WDR72: variants seen among roughly 807,000 people sequenced by gnomAD.
WDR72 encodes the protein WD repeat domain 72.
A neutral mutation model predicts 124.2 loss-of-function variants in WDR72; 120 were observed. That is an observed-to-expected ratio of 0.97 (90% CI 0.83 to 1.12). The LOEUF (loss-of-function observed/expected upper bound fraction) is 1.12, where lower values mean the gene tolerates loss of function less well. Among genes scored for constraint, WDR72 ranks in the 50% most tolerant of loss-of-function variants. The pLI, the probability that WDR72 is intolerant of heterozygous loss-of-function variation, is 0.00. For missense variants in WDR72, 1,387 were observed against 1,278.8 expected, an observed-to-expected ratio of 1.08 and a Z score of -1.29; for synonymous variants, 452 against 441.7, an observed-to-expected ratio of 1.02 and a Z score of -0.29.
In WDR72 at chr15:53,663,542, G is replaced by C. The variant is rs527560216; in HGVS notation, c.1962+2030C>G. ...AGAGTAGCTATGAAGCTCTTCAAGA[G>C]AGTGAAATAAATATCAGTCAGTTTA... On this transcript the variant is annotated intron_variant, in intron 14 of 19. Coordinates refer to ENST00000360509, the MANE Select transcript of WDR72 (RefSeq NM_182758.4). 3.9e-5 allele frequency among the ~76,000 whole-genome samples: 6 copies of C among 152,232 alleles called. No homozygotes were observed. The East Asian group carries it at 9.7e-4, about 24-fold the overall frequency.
intron 18 of WDR72, among the ~76,000 whole-genome samples, chr15:53,524,526 A>G (rs1043431995): frequency 3.9e-5 from 6 of 152,034 alleles, no homozygotes; most frequent in Admixed American, 3.9e-4. Flanking sequence ...AGTAGTGTTC[A>G]GACCTGGCAC....
intron 12 of WDR72, 107 bp downstream of exon 12, chr15:53,702,027 G>T: frequency 1.3e-6 from 1 of 784,918 alleles, no homozygotes; most frequent in Non-Finnish European, 2.0e-6. Flanking sequence ...TAGAACTCAT[G>T]TTTTTCTTTT....
chr15:53,534,970 C>A (rs1376545614), intron 18 of WDR72, among the ~76,000 whole-genome samples: 1 of 151,816 alleles, frequency 6.6e-6, no homozygotes, highest in African/African-American at 2.4e-5. Flanking sequence ...CATTTTTATT[C>A]TATGTTCAGC....
intron 1 of WDR72, among the ~76,000 whole-genome samples, chr15:53,738,063 TAA>T (rs1274492764): frequency 6.6e-6 from 1 of 151,876 alleles, no homozygotes; most frequent in Non-Finnish European, 1.5e-5. Flanking sequence ...GTTTGGAAAC[TAA>T]AAAAAATTCT....
intron 1 of WDR72, among the ~76,000 whole-genome samples, chr15:53,736,170 A>T (rs1269961804): frequency 6.6e-6 from 1 of 152,194 alleles, no homozygotes; most frequent in Non-Finnish European, 1.5e-5. Context: ...AGCTCCAAAA[A>T]TGATAGAACC....
intron 2 of WDR72, among the ~76,000 whole-genome samples, chr15:53,726,252 A>G (rs1595876515): frequency 1.1e-5 from 1 of 91,534 alleles, no homozygotes; most frequent in Non-Finnish European, 2.2e-5. Context: ...GTGTATATAT[A>G]TATGTATGTG....
intron 14 of WDR72, among the ~76,000 whole-genome samples, chr15:53,635,089 C>T (rs903469323): frequency 6.6e-6 from 1 of 152,172 alleles, no homozygotes; most frequent in African/African-American, 2.4e-5. Flanking sequence ...CAGAGGGTGA[C>T]GATCTTTCAG....
At chr15:53,593,667 T>G (rs980399736) in intron 18 of WDR72, among the ~76,000 whole-genome samples, 1 of 150,742 alleles carries the variant, frequency 6.6e-6, no homozygotes, top group Non-Finnish European at 1.5e-5. Flanking sequence ...GAGGCAGAGG[T>G]GGGAAGATCA....
chr15:53,551,137 T>C (rs754876142), intron 18 of WDR72, among the ~76,000 whole-genome samples: 31 of 151,988 alleles, frequency 2.0e-4, no homozygotes, highest in Middle Eastern at 3.4e-3. Context: ...TTGAAAAGAT[T>C]TGTGAAGGTT....
In WDR72 at chr15:53,660,794, T is replaced by C. The variant is rs141525860; in HGVS notation, c.1962+4778A>G. On this transcript the variant is annotated intron_variant, in intron 14 of 19. Transcript: ENST00000360509. ...TACAAAGGGTGGTTTTCCAAACACATATGAGTTCCCGGTTTCTGTCACAGG... is the reference window on the plus strand; with the variant it reads ...TACAAAGGGTGGTTTTCCAAACACACATGAGTTCCCGGTTTCTGTCACAGG... Among the ~76,000 whole-genome samples the C allele has an allele frequency of 4.1e-4, 63 of 152,322 alleles. No homozygotes were observed. The East Asian group carries it at 0.011, about 27-fold the overall frequency.
chr15:53,525,904 T>C (rs1200485398), intron 18 of WDR72, among the ~76,000 whole-genome samples: 2 of 152,094 alleles, frequency 1.3e-5, no homozygotes, highest in Non-Finnish European at 2.9e-5. Context: ...ATAGCTACAT[T>C]CTGCCAGTTG....
chr15:53,659,848 A>C (rs1293829672), intron 14 of WDR72, among the ~76,000 whole-genome samples: 3 of 152,036 alleles, frequency 2.0e-5, no homozygotes, highest in Admixed American at 6.6e-5. Flanking sequence ...GACTTTGTAG[A>C]TTTCTCCCCT....
chr15:53,563,745 C>T (rs943618696), intron 18 of WDR72, among the ~76,000 whole-genome samples: 1 of 151,664 alleles, frequency 6.6e-6, no homozygotes, highest in Non-Finnish European at 1.5e-5. Context: ...CACAGGCTTG[C>T]CTATCACACT....
chr15:53,589,622 G>A (rs1236554663), intron 18 of WDR72, among the ~76,000 whole-genome samples: 1 of 149,788 alleles, frequency 6.7e-6, no homozygotes, highest in Non-Finnish European at 1.5e-5. Context: ...ATCACTTTTT[G>A]TCAATAATTT....
intron 14 of WDR72, among the ~76,000 whole-genome samples, chr15:53,634,572 G>A (rs930026549): frequency 6.6e-6 from 1 of 152,160 alleles, no homozygotes; most frequent in Non-Finnish European, 1.5e-5. Context: ...AAGCTGTCCT[G>A]GGCCGCATGC....
rs367995331 is a variant in WDR72, at chr15:53,684,054, C to A, written c.1765+15696G>T. 4.6e-5 allele frequency: 7 copies of A among 151,974 alleles called. No individual in the cohort carries two copies. The East Asian group carries it at 9.6e-4, about 21-fold the overall frequency. 9.4% of individuals were successfully genotyped at this position (151,974 alleles called of 1,614,324 possible). On this transcript the variant is annotated intron_variant, in intron 13 of 19. Coordinates refer to ENST00000360509, the MANE Select transcript of WDR72 (RefSeq NM_182758.4). ...AATTAATTTTTAAAATCAGCAAAAT[C>A]TTAAAATCACAATATGAAAATAAGT...
rs562049839 is a variant in WDR72, at chr15:53,718,086, G to A, written c.261-1401C>T. Reference sequence around the variant, plus strand: ...CATTATAAAATTTTAGCTCTTTAAGGGATTTGAGCTTATTAACAAGGTTTT... The same window carrying A: ...CATTATAAAATTTTAGCTCTTTAAGAGATTTGAGCTTATTAACAAGGTTTT... On this transcript the variant is annotated intron_variant, in intron 3 of 19. Transcript: ENST00000360509. 5.3e-5 allele frequency among the ~76,000 whole-genome samples: 8 copies of A among 152,146 alleles called. No homozygotes were observed. In the South Asian group the frequency reaches 1.7e-3, roughly 32 times the overall value.
At chr15:53,654,641 AC>A (rs2015353760) in intron 14 of WDR72, among the ~76,000 whole-genome samples, 1 of 152,222 alleles carries the variant, frequency 6.6e-6, no homozygotes, top group Non-Finnish European at 1.5e-5. Context: ...ACACTTCCTC[AC>A]CATGCAGCTC....
rs606231462 is a variant in WDR72, at chr15:53,702,234, CAT to C, written c.1467_1468del (p.Val491AspfsTer8). 35 of 1,614,030 alleles carry C rather than the reference CAT, an allele frequency of 2.2e-5. No homozygotes were observed. The highest frequency in any genetic ancestry group is 1.8e-4 in the Admixed American group (11 of 60,002). On this transcript the variant is annotated frameshift_variant, in exon 12 of 20. Coordinates refer to ENST00000360509, the MANE Select transcript of WDR72 (RefSeq NM_182758.4). LOFTEE classifies it high-confidence loss of function. ...AGTAAAGATATCCCACAAGATCACA[CAT>C]GAGTCCAGGTCCCCAGACAACATCC...
Sources: gnomAD v4.1 joint callset for allele counts (sites outside exome capture counted in the v4.1 genomes callset) on GRCh38, gnomAD v4.1.1 for gene constraint, MANE v1.5 for transcripts, NCBI Gene and HGNC (gene_info 2026-07-23, HGNC 2026-07-21) for gene names.